Variants in PRKG1 observed in about 807,000 individuals in gnomAD.
PRKG1 encodes cGMP-dependent protein kinase 1.
Under a neutral mutation model 88.1 loss-of-function variants are expected in PRKG1, and 35 were observed. That is an observed-to-expected ratio of 0.40 (90% CI 0.30 to 0.53). The LOEUF is 0.53. PRKG1 is among the 20% of genes least tolerant of loss of function. PRKG1 has a pLI of 0.59. For missense variants in PRKG1, 540 were observed against 839.8 expected (o/e 0.64, Z 4.41); for synonymous variants, 303 against 292.5 (o/e 1.04, Z -0.37).
chr10:51,018,482 G>A (rs1163682607), intron 1 of PRKG1, among the ~76,000 whole-genome samples: 1 of 152,114 alleles, frequency 6.6e-6, no homozygotes, highest in African/African-American at 2.4e-5. Context: ...TTAAAATTCA[G>A]CTAATATTTC....
chr10:51,018,200 A>G (rs1232982259), intron 1 of PRKG1, among the ~76,000 whole-genome samples: 1 of 152,192 alleles, frequency 6.6e-6, no homozygotes, highest in Non-Finnish European at 1.5e-5. Flanking sequence ...TGAAGAACTT[A>G]TCTTTATTTC....
chr10:51,325,576 G>C (rs766843600), intron 2 of PRKG1, among the ~76,000 whole-genome samples: 23 of 152,060 alleles, frequency 1.5e-4, no homozygotes. Context: ...TTTTCTCTTC[G>C]CTTTGTTGTT....
chr10:51,159,879 G>A (rs1240024907), intron 2 of PRKG1, among the ~76,000 whole-genome samples: 1 of 152,178 alleles, frequency 6.6e-6, no homozygotes. Context: ...GCAGGTTATA[G>A]TGAAGTCTAA....
At chr10:51,775,456 T>G (rs1838409329) in intron 3 of PRKG1, among the ~76,000 whole-genome samples, 1 of 152,138 alleles carries the variant, frequency 6.6e-6, no homozygotes, top group Admixed American at 6.6e-5. Context: ...ACATTTTGAA[T>G]TTAAAAATAT....
chr10:51,568,190 A>G lies in PRKG1; in HGVS notation c.592+100354A>G, dbSNP rs1053110961. Among the ~76,000 whole-genome samples the G allele has an allele frequency of 4.4e-5, 6 of 136,972 alleles. 1 individual carries two copies. 89.9% of individuals were successfully genotyped at this position (136,972 alleles called of 152,430 possible). Reference sequence around the variant, plus strand: ...CCCATGTTGAACAATCTTCACCCTTATGTATTTTCAGAGTATTGTCCGAAT... The same window carrying G: ...CCCATGTTGAACAATCTTCACCCTTGTGTATTTTCAGAGTATTGTCCGAAT... On this transcript the variant is annotated intron_variant, in intron 3 of 17. Transcript: ENST00000373980.
intron 1 of PRKG1, among the ~76,000 whole-genome samples, chr10:51,020,769 G>A (rs1843125319): frequency 6.6e-6 from 1 of 152,120 alleles, no homozygotes; most frequent in South Asian, 2.1e-4. Flanking sequence ...ACCCATAAAA[G>A]CAGTCTTCTC....
chr10:51,164,844 G>T (rs1372126261), intron 2 of PRKG1, among the ~76,000 whole-genome samples: 1 of 152,018 alleles, frequency 6.6e-6, no homozygotes, highest in Non-Finnish European at 1.5e-5. Flanking sequence ...GGGAAGTTTA[G>T]AGAAAAAAGA....
chr10:51,884,412 T>A (rs1485371825), intron 4 of PRKG1, among the ~76,000 whole-genome samples: 1 of 105,738 alleles, frequency 9.5e-6, no homozygotes, highest in African/African-American at 3.6e-5. Context: ...GCCACTGCAC[T>A]CCAGCCTGGG....
At chr10:51,192,725 A>G (rs970976295) in intron 2 of PRKG1, among the ~76,000 whole-genome samples, 8 of 152,018 alleles carry the variant, frequency 5.3e-5, no homozygotes, top group Non-Finnish European at 1.2e-4. Flanking sequence ...TTATCAGTCA[A>G]TATGATAAAG....
At chr10:51,929,454 G>A (rs573523084) in intron 5 of PRKG1, among the ~76,000 whole-genome samples, 3 of 149,652 alleles carry the variant, frequency 2.0e-5, no homozygotes, top group East Asian at 2.0e-4. Flanking sequence ...GGATTCAAGC[G>A]ATTCTCCCAC....
At chr10:51,848,633 CTGTGTGTGTGTG>C (rs35222566) in intron 4 of PRKG1, among the ~76,000 whole-genome samples, 1,617 of 145,190 alleles carry the variant, frequency 0.011, 18 homozygotes, top group Middle Eastern at 0.038. Context: ...GTGTCTGTAT[CTGTGTGTGTGTG>C]TGTGTGTGTG....
At chr10:52,157,756 C>T (rs1326288970) in intron 8 of PRKG1, among the ~76,000 whole-genome samples, 1 of 151,076 alleles carries the variant, frequency 6.6e-6, no homozygotes, top group Non-Finnish European at 1.5e-5. Context: ...TCCCTTTTTC[C>T]ATCCACCTTT....
chr10:51,467,709 C>T lies in PRKG1; in HGVS notation c.479-14C>T. The T allele has an allele frequency of 5.7e-6, 9 of 1,582,212 alleles. No homozygotes were observed. Among genetic ancestry groups the T allele is most frequent in the Non-Finnish European group, 7.8e-6 (9 of 1,151,994 alleles). On this transcript the variant is annotated splice_polypyrimidine_tract_variant and intron_variant, in intron 2 of 17. Transcript: ENST00000373980. Reference sequence around the variant, plus strand: ...AATAATTTATATAACATGTTTTTCCCTCCTCCTTTTTAGATGGTAAGGTTG... The same window carrying T: ...AATAATTTATATAACATGTTTTTCCTTCCTCCTTTTTAGATGGTAAGGTTG...
intron 8 of PRKG1, among the ~76,000 whole-genome samples, chr10:52,157,306 GATATATATAT>G (rs142784154): frequency 3.7e-4 from 47 of 125,918 alleles, no homozygotes; most frequent in African/African-American, 1.1e-3. Context: ...TGAGTTAGTT[GATATATATAT>G]ATATATATAT....
At chr10:51,438,905 C>T (rs1257668234) in intron 2 of PRKG1, among the ~76,000 whole-genome samples, 1 of 151,456 alleles carries the variant, frequency 6.6e-6, no homozygotes, top group Non-Finnish European at 1.5e-5. Context: ...ACATGGTGGA[C>T]TTTATTTACT....
At chr10:51,549,106 CTTTCT>C (rs1249095474) in intron 3 of PRKG1, among the ~76,000 whole-genome samples, 18 of 100,506 alleles carry the variant, frequency 1.8e-4, no homozygotes, top group Admixed American at 5.3e-4. Context: ...TCTTTCCTTT[CTTTCT>C]TTTCTTTTCT....
intron 3 of PRKG1, among the ~76,000 whole-genome samples, chr10:51,622,353 T>C (rs947573524): frequency 9.2e-5 from 14 of 152,174 alleles, no homozygotes; most frequent in African/African-American, 3.1e-4. Flanking sequence ...AAGAAAGTAT[T>C]CTGCCTACAA....
chr10:52,139,447 C>T (rs142173390), intron 8 of PRKG1, among the ~76,000 whole-genome samples: 348 of 152,156 alleles, frequency 2.3e-3, no homozygotes, highest in Non-Finnish European at 4.1e-3. Flanking sequence ...GCATTGCTTA[C>T]GGTGAGTTTG....
At chr10:51,314,054 A>G (rs889096646) in intron 2 of PRKG1, among the ~76,000 whole-genome samples, 5 of 152,192 alleles carry the variant, frequency 3.3e-5, no homozygotes, top group Non-Finnish European at 2.9e-5. Flanking sequence ...CTTTCTTGAC[A>G]TGAGGCAGGC....
Sources: allele counts gnomAD v4.1 joint callset (sites outside exome capture counted in the v4.1 genomes callset), GRCh38; gene constraint gnomAD v4.1.1; transcripts MANE v1.5; gene names NCBI Gene and HGNC (gene_info 2026-07-23, HGNC 2026-07-21).